GPATCH2: variants seen among roughly 807,000 people sequenced by gnomAD.
The protein encoded by GPATCH2 is G-patch domain containing 2.
GPATCH2 carries 51 observed loss-of-function variants against 58.0 expected under a neutral mutation model. The observed-to-expected ratio is 0.88, with a 90% CI of 0.70 to 1.11. The LOEUF is 1.11. Among genes scored for constraint, GPATCH2 ranks in the 50% most tolerant of loss-of-function variants. The pLI is 0.00. For synonymous variants in GPATCH2, 222 were observed against 218.5 expected (o/e 1.02, Z -0.14); for missense variants, 625 against 652.2 (o/e 0.96, Z 0.45).
intron 8 of GPATCH2, among the ~76,000 whole-genome samples, chr1:217,458,278 CT>C (rs1313405118): frequency 6.6e-6 from 1 of 152,142 alleles, no homozygotes; most frequent in Non-Finnish European, 1.5e-5. Context: ...CATGCTTTAT[CT>C]AAAGCCTAGA....
At chr1:217,499,080 T>C (rs1405569789) in intron 6 of GPATCH2, among the ~76,000 whole-genome samples, 2 of 152,180 alleles carry the variant, frequency 1.3e-5, no homozygotes, top group African/African-American at 4.8e-5. Flanking sequence ...CGGGAGTTGT[T>C]AGCATTAGCT....
intron 5 of GPATCH2, 94 bp from the exon 6 acceptor site, chr1:217,514,983 T>A (rs1203834634): frequency 1.6e-5 from 11 of 683,534 alleles, no homozygotes; most frequent in Non-Finnish European, 2.4e-5. Context: ...GACATCACTC[T>A]AAAATGGAGA....
intron 8 of GPATCH2, among the ~76,000 whole-genome samples, chr1:217,462,443 A>G (rs1558409191): frequency 6.6e-6 from 1 of 152,300 alleles, no homozygotes; most frequent in East Asian, 1.9e-4. Flanking sequence ...GTTTTGACTA[A>G]AGGCAAGATA....
intron 5 of GPATCH2, chr1:217,609,098 T>C (rs1346096559): frequency 1.2e-6 from 1 of 817,686 alleles, no homozygotes; most frequent in East Asian, 1.2e-4. Flanking sequence ...TTGTTTTTCA[T>C]TATTGAAGCT....
At chr1:217,539,401 T>C (rs1038002531) in intron 5 of GPATCH2, among the ~76,000 whole-genome samples, 2 of 152,192 alleles carry the variant, frequency 1.3e-5, no homozygotes, top group African/African-American at 4.8e-5. Flanking sequence ...GACTGACTAT[T>C]TGAAATTTGA....
intron 8 of GPATCH2, among the ~76,000 whole-genome samples, chr1:217,475,382 C>T (rs1392445002): frequency 3.3e-5 from 5 of 151,770 alleles, no homozygotes; most frequent in Non-Finnish European, 5.9e-5. Flanking sequence ...GAGGTTGCAG[C>T]GAGCCGAAAT....
At chr1:217,487,265 A>G (rs1485729343) in intron 8 of GPATCH2, among the ~76,000 whole-genome samples, 1 of 152,128 alleles carries the variant, frequency 6.6e-6, no homozygotes, top group African/African-American at 2.4e-5. Context: ...GTAATCCTGT[A>G]GTTCAGAAAC....
chr1:217,480,765 A>G (rs1661177765), intron 8 of GPATCH2, among the ~76,000 whole-genome samples: 1 of 152,222 alleles, frequency 6.6e-6, no homozygotes, highest in Non-Finnish European at 1.5e-5. Context: ...AGATGAATAA[A>G]GAAAATGTAC....
chr1:217,509,794 C>T (rs1662755498), intron 6 of GPATCH2, among the ~76,000 whole-genome samples: 2 of 152,046 alleles, frequency 1.3e-5, no homozygotes, highest in Admixed American at 6.6e-5. Flanking sequence ...AGTTTCCAAC[C>T]TCGGCAAGTT....
intron 8 of GPATCH2, among the ~76,000 whole-genome samples, chr1:217,468,894 T>C (rs1429595971): frequency 3.9e-5 from 6 of 152,110 alleles, no homozygotes; most frequent in Non-Finnish European, 8.8e-5. Context: ...TGTATTTCTG[T>C]ATATAAAAAA....
intron 1 of GPATCH2, among the ~76,000 whole-genome samples, chr1:217,627,703 G>A (rs898721179): frequency 5.9e-5 from 9 of 151,814 alleles, no homozygotes; most frequent in South Asian, 2.1e-4. Context: ...AAATCAAACC[G>A]TGAATGGCTT....
intron 2 of GPATCH2, among the ~76,000 whole-genome samples, chr1:217,617,420 T>G (rs1243436562): frequency 6.6e-6 from 1 of 152,196 alleles, no homozygotes; most frequent in Non-Finnish European, 1.5e-5. Context: ...CATCATTTGC[T>G]TGCCTGGCTA....
chr1:217,570,727 G>A (rs1006588129), intron 5 of GPATCH2, among the ~76,000 whole-genome samples: 3 of 152,126 alleles, frequency 2.0e-5, no homozygotes, highest in African/African-American at 7.2e-5. Flanking sequence ...GAACAGAGAC[G>A]ATTAATCACT....
At chr1:217,550,060 A>G (rs1665272080) in intron 5 of GPATCH2, among the ~76,000 whole-genome samples, 1 of 152,138 alleles carries the variant, frequency 6.6e-6, no homozygotes, top group Non-Finnish European at 1.5e-5. Flanking sequence ...TACACTTCCT[A>G]AATACTATAT....
intron 5 of GPATCH2, among the ~76,000 whole-genome samples, chr1:217,521,066 G>A (rs1663430760): frequency 6.6e-6 from 1 of 152,118 alleles, no homozygotes; most frequent in South Asian, 2.1e-4. Context: ...CACTGGTCTT[G>A]AGCTTCCAGC....
intron 5 of GPATCH2, among the ~76,000 whole-genome samples, chr1:217,562,047 C>T (rs895161764): frequency 6.6e-6 from 1 of 152,156 alleles, no homozygotes; most frequent in African/African-American, 2.4e-5. Context: ...ACCACCAAAG[C>T]CCCGCAGTGC....
intron 5 of GPATCH2, among the ~76,000 whole-genome samples, chr1:217,571,703 C>CAAAAAAAAAAAAA (rs11463536): frequency 3.8e-4 from 28 of 73,796 alleles, no homozygotes; most frequent in East Asian, 1.5e-3. Context: ...AAAACGAAAC[C>CAAAAAAAAAAAAA]AAAAAAAAAA....
At chr1:217,535,329 C>G (rs564626957) in intron 5 of GPATCH2, among the ~76,000 whole-genome samples, 2 of 152,242 alleles carry the variant, frequency 1.3e-5, no homozygotes, top group South Asian at 4.1e-4. Context: ...ACTGAGGTAA[C>G]AGTCTAAAAA....
chr1:217,538,168 T>C (rs1453931184), intron 5 of GPATCH2, among the ~76,000 whole-genome samples: 1 of 152,204 alleles, frequency 6.6e-6, no homozygotes, highest in African/African-American at 2.4e-5. Flanking sequence ...ATTCAAGAGA[T>C]CCAAAAGGCA....
Sources: allele counts gnomAD v4.1 joint callset (sites outside exome capture counted in the v4.1 genomes callset), GRCh38; gene constraint gnomAD v4.1.1; transcripts MANE v1.5; gene names NCBI Gene and HGNC (gene_info 2026-07-23, HGNC 2026-07-21).